ABCD3: variants seen among roughly 807,000 people sequenced by gnomAD.
The protein encoded by ABCD3 is ATP binding cassette subfamily D member 3.
ABCD3 carries 41 observed loss-of-function variants against 105.5 expected under a neutral mutation model. That is an observed-to-expected ratio of 0.39 (90% CI 0.30 to 0.50). The LOEUF is 0.50. ABCD3 is among the 20% of genes least tolerant of loss of function. The pLI, the probability that ABCD3 is intolerant of heterozygous loss-of-function variation, is 0.84. For synonymous variants in ABCD3, 258 were observed against 269.0 expected (o/e 0.96, Z 0.40); for missense variants, 622 against 806.3 (o/e 0.77, Z 2.77).
intron 21 of ABCD3, among the ~76,000 whole-genome samples, chr1:94,508,479 T>C (rs1650477721): frequency 6.6e-6 from 1 of 151,892 alleles, no homozygotes; most frequent in African/African-American, 2.4e-5. Flanking sequence ...ATGCGTGCTC[T>C]TTTTTGGTTC....
intron 10 of ABCD3, 33 bp from the exon 11 acceptor site, chr1:94,487,509 A>T (rs1446180794): frequency 6.2e-7 from 1 of 1,600,022 alleles, no homozygotes; most frequent in South Asian, 1.1e-5. Flanking sequence ...TATACAGAGA[A>T]AAAGATGGTT....
chr1:94,463,356 C>A (rs1356803816), intron 2 of ABCD3, among the ~76,000 whole-genome samples: 3 of 152,288 alleles, frequency 2.0e-5, no homozygotes, highest in African/African-American at 7.2e-5. Flanking sequence ...AGGATTATGT[C>A]TATAAAGCCT....
chr1:94,444,311 G>C (rs1030563729), intron 1 of ABCD3, among the ~76,000 whole-genome samples: 2 of 146,644 alleles, frequency 1.4e-5, no homozygotes, highest in Non-Finnish European at 3.0e-5. Context: ...TAGCCGGGGG[G>C]GCAGAGCGAG....
intron 20 of ABCD3, among the ~76,000 whole-genome samples, chr1:94,500,762 T>C (rs1017862607): frequency 2.0e-5 from 3 of 152,156 alleles, no homozygotes; most frequent in South Asian, 2.1e-4. Context: ...GAGGTTAATA[T>C]TAACCTAATA....
the ABCD3 span, among the ~76,000 whole-genome samples, chr1:94,389,140 G>C: frequency 2.6e-5 from 4 of 152,126 alleles, no homozygotes; most frequent in Non-Finnish European, 5.9e-5. Flanking sequence ...AATGTAGTAG[G>C]CCCAGATAAA....
chr1:94,506,056 T>A (rs1489018073), intron 20 of ABCD3, among the ~76,000 whole-genome samples: 1 of 152,092 alleles, frequency 6.6e-6, no homozygotes, highest in Non-Finnish European at 1.5e-5. Context: ...CTTAAAAAAA[T>A]GAGCACAACC....
In ABCD3 at chr1:94,442,591, C is replaced by G. The variant is rs369404661; in HGVS notation, c.111-16016C>G. On this transcript the variant is annotated intron_variant, in intron 1 of 22. Coordinates refer to ENST00000370214, the MANE Select transcript of ABCD3 (RefSeq NM_002858.4). ...ATCACCTGAATAGTGAATGTTCTAC[C>G]CAATAGGTAATTTTGCAACCCTCAC... Among the ~76,000 whole-genome samples the G allele has an allele frequency of 1.3e-4, 20 of 152,164 alleles. 1 individual carries two copies. The East Asian group carries it at 1.9e-3, about 15-fold the overall frequency.
At chr1:94,499,171 C>A in intron 19 of ABCD3, 137 bp downstream of exon 19, 1 of 866,730 alleles carries the variant, frequency 1.2e-6, no homozygotes, top group Non-Finnish European at 1.9e-6. Context: ...ATTTTCTAAG[C>A]TGAGGTAAGA....
chr1:94,494,953 C>T (rs528566676), intron 16 of ABCD3, among the ~76,000 whole-genome samples: 45 of 152,216 alleles, frequency 3.0e-4, no homozygotes, highest in African/African-American at 1.1e-3. Context: ...TGGTGGTGCA[C>T]ACCTTTGGTC....
chr1:94,486,827 A>G (rs1004593588), intron 10 of ABCD3, among the ~76,000 whole-genome samples: 1 of 152,216 alleles, frequency 6.6e-6, no homozygotes, highest in Non-Finnish European at 1.5e-5. Flanking sequence ...AAGAAGGTAC[A>G]TGTTTGAGAA....
chr1:94,407,457 A>AGACACAAGGGGT, the ABCD3 span, among the ~76,000 whole-genome samples: 11 of 152,224 alleles, frequency 7.2e-5, no homozygotes, highest in East Asian at 1.5e-3. Context: ...TATTTGCTCA[A>AGACACAAGGGGT]GTCTTCTTTT....
the ABCD3 span, among the ~76,000 whole-genome samples, chr1:94,408,776 AATTT>A: frequency 6.6e-6 from 1 of 152,158 alleles, no homozygotes. Flanking sequence ...GTAGCTGAAG[AATTT>A]TAGATGAGAG....
intron 4 of ABCD3, among the ~76,000 whole-genome samples, chr1:94,469,905 T>C (rs147570828): frequency 2.5e-4 from 38 of 152,166 alleles, no homozygotes; most frequent in African/African-American, 7.9e-4. Flanking sequence ...GACCTTGTGG[T>C]CCTCCCGCCT....
rs192923853 is a variant in ABCD3 at position 94,438,934 on chromosome 1, G to A, written c.111-19673G>A. ...TGTGGTCTGGAACTGAATGTGAAGT[G>A]TCTTTGAGGGTACACTGCTATGTAT... On this transcript the variant is annotated intron_variant, in intron 1 of 22. Transcript: ENST00000370214. Among the ~76,000 whole-genome samples the A allele has an allele frequency of 1.8e-3, 270 of 152,272 alleles. 2 individuals are homozygous for A. Among genetic ancestry groups the A allele is most frequent in the African/African-American group, 6.0e-3 (251 of 41,562 alleles).
At chr1:94,506,991 TA>T (rs1455352137) in intron 21 of ABCD3, among the ~76,000 whole-genome samples, 1 of 151,874 alleles carries the variant, frequency 6.6e-6, no homozygotes, top group East Asian at 1.9e-4. Context: ...ATTTATTTTT[TA>T]ATTTATTATT....
the ABCD3 span, among the ~76,000 whole-genome samples, chr1:94,412,452 C>T: frequency 1.8e-4 from 27 of 152,236 alleles, no homozygotes; most frequent in East Asian, 3.9e-3. Flanking sequence ...ATTTGAAAAT[C>T]ATATCAGTTC....
At chr1:94,453,863 C>G (rs1475274371) in intron 1 of ABCD3, among the ~76,000 whole-genome samples, 3 of 149,408 alleles carry the variant, frequency 2.0e-5, no homozygotes, top group Non-Finnish European at 4.5e-5. Flanking sequence ...TCATTAGATT[C>G]TGCTTGGGTG....
At chr1:94,508,325 G>C (rs1412440854) in intron 21 of ABCD3, among the ~76,000 whole-genome samples, 1 of 152,018 alleles carries the variant, frequency 6.6e-6, no homozygotes, top group Non-Finnish European at 1.5e-5. Context: ...TATTTCTGAG[G>C]GCTCTGTTCT....
chr1:94,478,347 G>C (rs761399794), intron 8 of ABCD3, 32 bp downstream of exon 8: 1 of 1,507,008 alleles, frequency 6.6e-7, no homozygotes, highest in Non-Finnish European at 9.2e-7. Flanking sequence ...CTTTTAAATT[G>C]ATATAATATA....
Sources: gnomAD v4.1 joint callset for allele counts (sites outside exome capture counted in the v4.1 genomes callset) on GRCh38, gnomAD v4.1.1 for gene constraint, MANE v1.5 for transcripts, NCBI Gene and HGNC (gene_info 2026-07-23, HGNC 2026-07-21) for gene names.